ZNF814: variants seen among roughly 807,000 people sequenced by gnomAD.
ZNF814 encodes the protein zinc finger protein 814.
A neutral mutation model predicts 7.5 loss-of-function variants in ZNF814; 5 were observed. The observed-to-expected ratio is 0.67, with a 90% CI of 0.35 to 1.40. The LOEUF is 1.40. ZNF814 is among the 40% of genes most tolerant of loss of function. The probability of loss-of-function intolerance (pLI) is 0.04; values close to 1 mark genes in which losing one functional copy is unlikely to be tolerated. For missense variants in ZNF814, 962 were observed against 1,018.0 expected (o/e 0.94, Z 0.75); for synonymous variants, 315 against 340.7 (o/e 0.92, Z 0.83).
upstream of ZNF814, among the ~76,000 whole-genome samples, chr19:57,891,612 G>C (rs2071735262): frequency 6.6e-6 from 1 of 152,082 alleles, no homozygotes; most frequent in Admixed American, 6.6e-5. Context: ...AGCACTTTGG[G>C]AGACCAAGGT....
rs2071544991 is a variant in ZNF814 at position 57,870,145 on chromosome 19, CAGA to C, written c.*2674_*2676del. On this transcript the variant is annotated 3_prime_UTR_variant, in exon 3 of 3. Transcript: ENST00000435989. ...GTCCCAGCTACTTGGGAGGCTGAGG[CAGA>C]AGAATGGTGTGAACCCAGGAGGCAG... is the stretch of plus-strand genomic sequence containing the variant. 6.6e-6 allele frequency: 1 copy of C among 152,054 alleles called. No individual in the cohort carries two copies. Among genetic ancestry groups the C allele is most frequent in the Admixed American group, 6.6e-5 (1 of 15,248 alleles). The allele number at this position is 152,054 out of a possible 1,614,324, so 9.4% of individuals were successfully genotyped here.
rs573362751 is a variant in ZNF814 at position 57,875,089 on chromosome 19, A to C, written c.301T>G (p.Leu101Val). The C allele has an allele frequency of 1.9e-6, 3 of 1,574,510 alleles. No individual in the cohort carries two copies. The highest frequency in any genetic ancestry group is 2.7e-5 in the African/African-American group (2 of 73,998). The change falls in exon 3 of 3, where the codon TTG (leucine) becomes GTG (valine). Residue 101 changes from leucine (L) to valine (V), a missense_variant. This residue lies in a region of ZNF814 where 65 missense variants were observed against 131.3 expected (regional missense o/e 0.50). Coordinates refer to ENST00000435989, the MANE Select transcript of ZNF814 (RefSeq NM_001144989.2). ...TCTGCCACATGCAAAATGTCTCCCAAGATCGGGCCACACATCTCACAGGGG... is the reference window on the plus strand; with the variant it reads ...TCTGCCACATGCAAAATGTCTCCCACGATCGGGCCACACATCTCACAGGGG... ...AHPCEMCGPI[L>V]GDILHVADHQ...
Position 57,874,022 on chromosome 19 carries a change from T to A in ZNF814, c.1368A>T (p.Arg456=). The change falls in exon 3 of 3, where the codon CGA becomes CGT. Residue 456 remains arginine (R), a synonymous_variant. Coordinates refer to ENST00000435989, the MANE Select transcript of ZNF814 (RefSeq NM_001144989.2). The part of the protein sequence containing the change: ...SSEGHLRSHQ[R]VHAGERPFKC... ...TGAAAGGTCTTTCTCCGGCGTGAAC[T>A]CGTTGATGGCTCCTAAGATGTCCTT... The A allele has an allele frequency of 6.2e-7, 1 of 1,613,384 alleles. No homozygotes were observed. The highest frequency in any genetic ancestry group is 8.5e-7 in the Non-Finnish European group (1 of 1,179,700).
chr19:57,873,680 G>A lies in ZNF814; in HGVS notation c.1710C>T (p.His570=), dbSNP rs1390673084. The A allele has an allele frequency of 1.2e-6, 2 of 1,613,722 alleles. No individual in the cohort carries two copies. The highest frequency in any genetic ancestry group is 1.3e-5 in the African/African-American group (1 of 74,850). Residue 570 remains histidine, a synonymous_variant, in exon 3 of 3, where the codon CAC becomes CAT. Transcript: ENST00000435989. ...CACACCCATAAGATCTTTCTCTAGG[G>A]TGAACTCGCTGATGTAGAATGAGGG... ...KGTLILHQRV[H]PRERSYGCGE...
chr19:57,887,769 T>A (rs1341698701), intron 1 of ZNF814, among the ~76,000 whole-genome samples: 4 of 152,136 alleles, frequency 2.6e-5, no homozygotes, highest in South Asian at 2.1e-4. Context: ...GAACAAACCA[T>A]GTATGAAGTT....
At chr19:57,880,122 A>C in intron 1 of ZNF814, among the ~76,000 whole-genome samples, 1 of 122,842 alleles carries the variant, frequency 8.1e-6, no homozygotes, top group Non-Finnish European at 1.7e-5. Flanking sequence ...AAAACAAAAA[A>C]CCCCCAGCGT....
the ZNF814 span, among the ~76,000 whole-genome samples, chr19:57,894,787 T>C: frequency 6.6e-6 from 1 of 151,286 alleles, no homozygotes; most frequent in Non-Finnish European, 1.5e-5. Flanking sequence ...TGAGCCGAGA[T>C]TGCACCACTG....
At chr19:57,891,247 CA>C (rs1381541234), upstream of ZNF814, among the ~76,000 whole-genome samples, 2 of 152,174 alleles carry the variant, frequency 1.3e-5, no homozygotes, top group African/African-American at 2.4e-5. Flanking sequence ...AAATAGGGGC[CA>C]GGCGCGGTGG....
chr19:57,904,663 C>T, the ZNF814 span, among the ~76,000 whole-genome samples: 2 of 152,104 alleles, frequency 1.3e-5, no homozygotes, highest in Non-Finnish European at 1.5e-5. Flanking sequence ...TTTGTAATCT[C>T]GTAACTTTCC....
the ZNF814 span, among the ~76,000 whole-genome samples, chr19:57,896,173 C>CAAAAAA: frequency 4.3e-5 from 3 of 69,296 alleles, no homozygotes; most frequent in African/African-American, 4.2e-5. The surrounding 1 kb of genome is among the most constrained non-coding windows in gnomAD (Gnocchi z 4.2). Flanking sequence ...GACTCCATCT[C>CAAAAAA]AAAAAAAAAA....
chr19:57,883,434 G>A (rs1175723908), intron 1 of ZNF814, among the ~76,000 whole-genome samples: 12 of 151,606 alleles, frequency 7.9e-5, no homozygotes, highest in Non-Finnish European at 1.2e-4. Flanking sequence ...AGGCCAAGGC[G>A]GATGGATCAT....
In ZNF814 at chr19:57,871,067, A is replaced by C. The variant is rs1382306268; in HGVS notation, c.*1755T>G. 6.6e-6 allele frequency: 1 copy of C among 152,244 alleles called. No homozygotes were observed. The highest frequency in any genetic ancestry group is 1.5e-5 in the Non-Finnish European group (1 of 68,046). The allele number at this position is 152,244 out of a possible 1,614,324, so 9.4% of individuals were successfully genotyped here. On this transcript the variant is annotated 3_prime_UTR_variant, in exon 3 of 3. Transcript: ENST00000435989. ...CACTGCCTATAAATAAAGTAATTCT[A>C]TAAAATTATAATTTCACCTGATAGC... is the stretch of plus-strand genomic sequence containing the variant.
At position 57,874,111 on chromosome 19, in the gene ZNF814, G is replaced by A. The variant is rs1404052796; in HGVS notation, c.1279C>T (p.Gln427Ter). ...FSQKSSLIQH[Q>*]RFHTGEKPYG... ...GGTTTTTCTCCAGTGTGAAATCGCT[G>A]ATGTTGAATGAGGCTGCTCTTTTGA... The change falls in exon 3 of 3, where the codon CAG (glutamine) becomes TAG (stop). Residue 427 changes from glutamine (Q) to a stop codon, truncating the protein, a stop_gained. Coordinates refer to ENST00000435989, the MANE Select transcript of ZNF814 (RefSeq NM_001144989.2). LOFTEE classifies it low-confidence loss of function (END_TRUNC). The A allele has an allele frequency of 8.7e-6, 14 of 1,600,156 alleles. No homozygotes were observed. Among genetic ancestry groups the A allele is most frequent in the Admixed American group, 1.8e-5 (1 of 57,030 alleles).
intron 1 of ZNF814, chr19:57,885,869 T>C (rs2071687493): frequency 2.0e-5 from 3 of 150,664 alleles, no homozygotes. Context: ...GTATGATTAT[T>C]ACCCACTGCT....
upstream of ZNF814, among the ~76,000 whole-genome samples, chr19:57,891,641 G>C (rs534777651): frequency 2.0e-5 from 3 of 152,306 alleles, no homozygotes; most frequent in South Asian, 6.2e-4. Context: ...CATGAGATCA[G>C]GAGATGGAGA....
rs144091647 is a variant in ZNF814 at position 57,872,792 on chromosome 19, T to C, written c.*30A>G. On this transcript the variant is annotated 3_prime_UTR_variant, in exon 3 of 3. Transcript: ENST00000435989. ...CTGGTGTGCAATGAGGTGGTCCTTCTTGCTAAAAACTTTCTGACAATCCTC... is the reference window on the plus strand; with the variant it reads ...CTGGTGTGCAATGAGGTGGTCCTTCCTGCTAAAAACTTTCTGACAATCCTC... 3 of 1,607,248 alleles carry C rather than the reference T, an allele frequency of 1.9e-6. No homozygotes were observed. Among genetic ancestry groups the C allele is most frequent in the East Asian group, 4.5e-5 (2 of 44,780 alleles).
the ZNF814 span, among the ~76,000 whole-genome samples, chr19:57,901,214 G>C: frequency 2.0e-5 from 3 of 152,150 alleles, no homozygotes; most frequent in East Asian, 1.9e-4. Flanking sequence ...ACAAGAGATA[G>C]TTGAAAGAGC....
chr19:57,889,196 T>C (rs2071718710), upstream of ZNF814: 1 of 390,848 alleles, frequency 2.6e-6, no homozygotes. Context: ...AAGGGCGCAA[T>C]TCCCAGAGGC....
intron 1 of ZNF814, among the ~76,000 whole-genome samples, chr19:57,878,202 C>T (rs893433762): frequency 6.8e-6 from 1 of 146,874 alleles, no homozygotes; most frequent in Non-Finnish European, 1.5e-5. Context: ...AATATATTAA[C>T]AGCCTGATAA....
Sources: allele counts gnomAD v4.1 joint callset (sites outside exome capture counted in the v4.1 genomes callset), GRCh38; gene constraint gnomAD v4.1.1; regional missense constraint gnomAD v4.1.1; non-coding constraint Gnocchi (gnomAD v3.1); transcripts MANE v1.5; gene names NCBI Gene and HGNC (gene_info 2026-07-23, HGNC 2026-07-21).